The following IQCF2 variants were observed in gnomAD, a reference collection of about 807,000 sequenced individuals.
IQCF2 encodes the protein IQ domain-containing protein F2.
In IQCF2, 6 loss-of-function variants were observed where a neutral mutation model predicts 7.0. The observed-to-expected ratio is 0.86, with a 90% CI of 0.47 to 1.70. IQCF2 has a LOEUF of 1.70. IQCF2 is among the 40% of genes most tolerant of loss of function. IQCF2 has a pLI of 0.01. For missense variants in IQCF2, 174 were observed against 204.6 expected, an observed-to-expected ratio of 0.85 and a Z score of 0.91; for synonymous variants, 67 against 74.0, an observed-to-expected ratio of 0.91 and a Z score of 0.48.
chr3:51,862,121 T>TGA (rs745995897), intron 2 of IQCF2, among the ~76,000 whole-genome samples, 171 bp downstream of exon 2: 55 of 152,106 alleles, frequency 3.6e-4, no homozygotes, highest in Non-Finnish European at 5.3e-4. Flanking sequence ...TGGGCCTGAC[T>TGA]GAGATATTGA....
In IQCF2 at chr3:51,861,887, TG is replaced by T; in HGVS notation, c.49del (p.Glu17ArgfsTer26). On this transcript the variant is annotated frameshift_variant, in exon 2 of 3. Transcript: ENST00000333127. LOFTEE classifies it high-confidence loss of function. ...TKGNLILVIIEDVEESIEWKT... is the reference protein window; with the variant it reads ...TKGNLILVIIXDVEESIEWKT... ...AAGGCAATTTAATTTTGGTTATAAT[TG>T]AGGATGTTGAAGAAAGCATTGAATG... 6.2e-7 allele frequency: 1 copy of T among 1,613,970 alleles called. No individual in the cohort carries two copies. Among genetic ancestry groups the T allele is most frequent in the South Asian group, 1.1e-5 (1 of 91,054 alleles).
At position 51,863,110 on chromosome 3, in the gene IQCF2, A is replaced by G. The variant is rs141438549; in HGVS notation, c.235A>G (p.Met79Val). The stretch of plus-strand genomic sequence containing the variant: ...CTGGATAATTCAGTGCTGGTGGCGG[A>G]TGACGCTGTCGAGGGTGCTGGAGAA... ...RAWIIQCWWR[M>V]TLSRVLEKKR... The change falls in exon 3 of 3, where the codon ATG becomes GTG. Residue 79 changes from methionine to valine, a missense_variant. Met to Val is a conservative substitution (Grantham distance 21, BLOSUM62 1). Coordinates refer to ENST00000333127, the MANE Select transcript of IQCF2 (RefSeq NM_203424.2). The G allele has an allele frequency of 6.2e-7, 1 of 1,614,134 alleles. No homozygotes were observed. The highest frequency in any genetic ancestry group is 1.3e-5 in the African/African-American group (1 of 74,940).
In IQCF2 at chr3:51,863,002, A is replaced by G. The variant is rs183104721; in HGVS notation, c.127A>G (p.Arg43Gly). 2.5e-6 allele frequency: 4 copies of G among 1,604,646 alleles called. No individual in the cohort carries two copies. The African/African-American group carries it at 4.0e-5, about 16-fold the overall frequency. Reference sequence around the variant, plus strand: ...CTCTGCCTAGGAAAAACTTAGAATAAGAACAAAAGCAGCTGTAAAGATCCA... The same window carrying G: ...CTCTGCCTAGGAAAAACTTAGAATAGGAACAAAAGCAGCTGTAAAGATCCA... ...QQKIKEKLRIRTKAAVKIQAW... is the reference protein window; with the variant it reads ...QQKIKEKLRIGTKAAVKIQAW... The change falls in exon 3 of 3, where the codon AGA becomes GGA. Residue 43 changes from arginine to glycine, a missense_variant. Coordinates refer to ENST00000333127, the MANE Select transcript of IQCF2 (RefSeq NM_203424.2).
In IQCF2 at chr3:51,863,382, A is replaced by C; in HGVS notation, c.*12A>C. The C allele has an allele frequency of 1.2e-6, 2 of 1,611,198 alleles. No homozygotes were observed. Among genetic ancestry groups the C allele is most frequent in the Non-Finnish European group, 1.7e-6 (2 of 1,178,800 alleles). Reference sequence around the variant, plus strand: ...TCATCAACTCCTAAGGGCTGGCAAGAAGGGCACTGTGTCTACTGTCCCTAT... The same window carrying C: ...TCATCAACTCCTAAGGGCTGGCAAGCAGGGCACTGTGTCTACTGTCCCTAT... On this transcript the variant is annotated 3_prime_UTR_variant, in exon 3 of 3. Transcript: ENST00000333127.
intron 2 of IQCF2, among the ~76,000 whole-genome samples, chr3:51,862,483 A>C (rs2107211577): frequency 6.6e-6 from 1 of 151,884 alleles, no homozygotes; most frequent in Non-Finnish European, 1.5e-5. Context: ...ACTTGGAATT[A>C]GAGAGTAGAC....
chr3:51,862,893 G>A, intron 2 of IQCF2, 94 bp from the exon 3 acceptor site: 1 of 1,427,702 alleles, frequency 7.0e-7, no homozygotes, highest in Non-Finnish European at 9.4e-7. Flanking sequence ...AGGAAGGGCT[G>A]TGTTTTGAGA....
chr3:51,862,954 G>A, intron 2 of IQCF2, 33 bp from the exon 3 acceptor site: 1 of 1,564,044 alleles, frequency 6.4e-7, no homozygotes, highest in Non-Finnish European at 8.6e-7. Context: ...GTGGCAGGAA[G>A]TTTTCTGACT....
At chr3:51,861,713 G>T in intron 1 of IQCF2, 29 bp downstream of exon 1, 1 of 1,613,744 alleles carries the variant, frequency 6.2e-7, no homozygotes, top group Non-Finnish European at 8.5e-7. Context: ...TCTATTAGGT[G>T]GACCAGGAAT....
intron 2 of IQCF2, among the ~76,000 whole-genome samples, chr3:51,862,402 C>CAAA (rs3058059): frequency 0.032 from 2,960 of 92,290 alleles, 189 homozygotes; most frequent in Non-Finnish European, 0.041. Context: ...GACTCCTTCT[C>CAAA]AAAAAAAAAA....
At chr3:51,862,014 GGAC>G in intron 2 of IQCF2, 64 bp downstream of exon 2, 1 of 1,214,658 alleles carries the variant, frequency 8.2e-7, no homozygotes, top group Non-Finnish European at 1.2e-6. Flanking sequence ...ATAAGGTGTA[GGAC>G]TTTGCCTCTT....
At chr3:51,861,761 A>G in intron 1 of IQCF2, 77 bp downstream of exon 1, 1 of 1,586,356 alleles carries the variant, frequency 6.3e-7, no homozygotes, top group East Asian at 2.2e-5. Flanking sequence ...GACTTGAGAA[A>G]AGAGAGGATG....
Position 51,863,261 on chromosome 3 carries a change from TC to T in IQCF2, c.388del (p.Gln130ArgfsTer49), listed in dbSNP as rs770887226. 6.2e-7 allele frequency: 1 copy of T among 1,614,022 alleles called. No homozygotes were observed. Among genetic ancestry groups the T allele is most frequent in the Non-Finnish European group, 8.5e-7 (1 of 1,180,022 alleles). On this transcript the variant is annotated frameshift_variant, in exon 3 of 3. Transcript: ENST00000333127. LOFTEE classifies it high-confidence loss of function. ...CAGGTGCTCAATGCCATCTACATCA[TC>T]CAGGGCCACTGGCAATGCCACAACT... ...YCQVLNAIYI[I>X]QGHWQCHNCQ...
At chr3:51,862,821 G>A (rs1470494427) in intron 2 of IQCF2, among the ~76,000 whole-genome samples, 166 bp from the exon 3 acceptor site, 1 of 152,236 alleles carries the variant, frequency 6.6e-6, no homozygotes. Context: ...CAGTGGCAGA[G>A]GAAGGTCACC....
In IQCF2 at chr3:51,862,288, A is replaced by G. The variant is rs375605025; in HGVS notation, c.111+338A>G. Among the ~76,000 whole-genome samples the G allele has an allele frequency of 1.8e-3, 276 of 151,346 alleles. 2 individuals carry two copies. The South Asian group carries it at 0.019, about 10-fold the overall frequency. On this transcript the variant is annotated intron_variant, in intron 2 of 2. Transcript: ENST00000333127. ...GTGGTGAGTGCCTGTAGTCCCAGCT[A>G]TGCTACTCAGGAGGCTGAGGCAGGA...
At chr3:51,862,551 C>A (rs1186124450) in intron 2 of IQCF2, among the ~76,000 whole-genome samples, 1 of 151,974 alleles carries the variant, frequency 6.6e-6, no homozygotes, top group Non-Finnish European at 1.5e-5. Flanking sequence ...TGAAAACCTA[C>A]CATAGTATCA....
chr3:51,862,963 C>T (rs1178983574), intron 2 of IQCF2, 24 bp from the exon 3 acceptor site: 1 of 1,572,034 alleles, frequency 6.4e-7, no homozygotes, highest in Non-Finnish European at 8.6e-7. Flanking sequence ...AGTTTTCTGA[C>T]TGATCGCTCT....
intron 2 of IQCF2, 117 bp downstream of exon 2, chr3:51,862,067 C>A: frequency 1.5e-6 from 1 of 686,548 alleles, no homozygotes; most frequent in Non-Finnish European, 2.5e-6. Context: ...TCAATGTTGG[C>A]TCATTTTTCC....
chr3:51,861,697 G>A lies in IQCF2; in HGVS notation c.18+13G>A. The A allele has an allele frequency of 6.2e-7, 1 of 1,614,082 alleles. No individual in the cohort carries two copies. Among genetic ancestry groups the A allele is most frequent in the Non-Finnish European group, 8.5e-7 (1 of 1,179,932 alleles). ...GGTTCGATTTTGTGTAAGAGACATG[G>A]CCAGATCTATTAGGTGGACCAGGAA... On this transcript the variant is annotated intron_variant, in intron 1 of 2. Coordinates refer to ENST00000333127, the MANE Select transcript of IQCF2 (RefSeq NM_203424.2).
chr3:51,863,064 G>A lies in IQCF2; in HGVS notation c.189G>A (p.Leu63=), dbSNP rs759768526. The A allele has an allele frequency of 9.3e-6, 15 of 1,614,266 alleles. No homozygotes were observed. The highest frequency in any genetic ancestry group is 1.7e-5 in the Admixed American group (1 of 60,032). Residue 63 remains leucine, a synonymous_variant, in exon 3 of 3, where the codon CTG becomes CTA. Transcript: ENST00000333127. ...GGGGCACCCTGGTGCGCAGGACACT[G>A]CTGCATGCAGCCCTCAGGGCCTGGA... ...WWRGTLVRRT[L]LHAALRAWII... is the part of the protein sequence containing the mutation.
Sources: gnomAD v4.1 joint callset for allele counts (sites outside exome capture counted in the v4.1 genomes callset) on GRCh38, gnomAD v4.1.1 for gene constraint, MANE v1.5 for transcripts, NCBI Gene and HGNC (gene_info 2026-07-23, HGNC 2026-07-21) for gene names.